The following PRIMPOL variants were observed in gnomAD, a reference collection of about 807,000 sequenced individuals.
PRIMPOL encodes primase and DNA directed polymerase.
In PRIMPOL, 54 loss-of-function variants were observed where a neutral mutation model predicts 63.6. That is an observed-to-expected ratio of 0.85 (90% confidence interval 0.68 to 1.07). The LOEUF (loss-of-function observed/expected upper bound fraction) is 1.07, where lower values mean the gene tolerates loss of function less well. PRIMPOL is among the 50% of genes least tolerant of loss of function. The pLI, the probability that PRIMPOL is intolerant of heterozygous loss-of-function variation, is 0.00. For missense variants in PRIMPOL, 610 were observed against 648.3 expected (o/e 0.94, Z 0.64); for synonymous variants, 197 against 220.2 (o/e 0.89, Z 0.93).
intron 3 of PRIMPOL, among the ~76,000 whole-genome samples, chr4:184,657,924 C>T (rs1050524791): frequency 3.9e-5 from 6 of 151,908 alleles, no homozygotes; most frequent in Admixed American, 6.6e-5. Context: ...ACCCGGAAGG[C>T]GGAGTTTGCT....
intron 9 of PRIMPOL, among the ~76,000 whole-genome samples, chr4:184,683,354 G>A (rs10033673): frequency 0.19 from 29,239 of 151,352 alleles, 3,605 homozygotes; most frequent in African/African-American, 0.35. Flanking sequence ...CCTGGGAGGC[G>A]GAGGTTGCAG....
chr4:184,650,587 G>T (rs1477139630), intron 1 of PRIMPOL, among the ~76,000 whole-genome samples: 1 of 152,222 alleles, frequency 6.6e-6, no homozygotes, highest in East Asian at 1.9e-4. Context: ...GTTATTAATG[G>T]TTACGTCAAT....
chr4:184,673,368 A>T (rs1486856042), intron 7 of PRIMPOL, among the ~76,000 whole-genome samples: 30 of 151,176 alleles, frequency 2.0e-4, no homozygotes. Flanking sequence ...TGACGTTGTC[A>T]TCCGCCCGCC....
At chr4:184,665,350 C>T (rs1749549120) in intron 5 of PRIMPOL, among the ~76,000 whole-genome samples, 1 of 152,158 alleles carries the variant, frequency 6.6e-6, no homozygotes, top group African/African-American at 2.4e-5. Flanking sequence ...TCTCTGACTC[C>T]AGCCCCCGTG....
At chr4:184,673,528 G>A (rs955591796) in intron 7 of PRIMPOL, among the ~76,000 whole-genome samples, 10 of 146,804 alleles carry the variant, frequency 6.8e-5, no homozygotes, top group African/African-American at 2.5e-4. Flanking sequence ...GGGTTCAAAC[G>A]ATTCTCCTCC....
chr4:184,666,730 G>A (rs963893960), intron 6 of PRIMPOL, among the ~76,000 whole-genome samples: 3 of 152,112 alleles, frequency 2.0e-5, no homozygotes, highest in African/African-American at 7.2e-5. Flanking sequence ...CTTTGCTTCG[G>A]CCTTGCTTTG....
intron 4 of PRIMPOL, among the ~76,000 whole-genome samples, chr4:184,660,709 A>G (rs1748091654): frequency 6.6e-6 from 1 of 152,196 alleles, no homozygotes; most frequent in Admixed American, 6.5e-5. Context: ...CTTCCCATGT[A>G]AATATGGAAC....
Position 184,673,847 on chromosome 4 carries a change from C to T in PRIMPOL, c.844+1387C>T, listed in dbSNP as rs907756356. Among the ~76,000 whole-genome samples, 7 of 152,242 alleles carry T rather than the reference C, an allele frequency of 4.6e-5. No homozygotes were observed. The South Asian group carries it at 6.2e-4, about 14-fold the overall frequency. On this transcript the variant is annotated intron_variant, in intron 7 of 13. Coordinates refer to ENST00000314970, the MANE Select transcript of PRIMPOL (RefSeq NM_152683.4). ...CCAACAGTGGTACTGAAATGAGGGA[C>T]GTGTTTCTGCTGGATTGCATGTTTT...
chr4:184,680,345 A>G (rs112209698), intron 8 of PRIMPOL, among the ~76,000 whole-genome samples: 15,446 of 152,026 alleles, frequency 0.1, 937 homozygotes, highest in Middle Eastern at 0.17. Context: ...GTGCCACCAC[A>G]CCCAGATAAT....
intron 1 of PRIMPOL, among the ~76,000 whole-genome samples, chr4:184,650,293 G>A (rs189324158): frequency 6.6e-6 from 1 of 152,342 alleles, no homozygotes; most frequent in African/African-American, 2.4e-5. Context: ...AGAGATTAAC[G>A]AACCAATCCA....
intron 7 of PRIMPOL, among the ~76,000 whole-genome samples, chr4:184,677,835 CT>C (rs1754524827): frequency 6.6e-6 from 1 of 152,196 alleles, no homozygotes; most frequent in Admixed American, 6.5e-5. Flanking sequence ...GTATAATGTA[CT>C]GAATAGAAAT....
intron 11 of PRIMPOL, among the ~76,000 whole-genome samples, chr4:184,691,152 G>C (rs1176107093): frequency 6.6e-6 from 1 of 152,136 alleles, no homozygotes; most frequent in Non-Finnish European, 1.5e-5. Flanking sequence ...ATTACTGAGA[G>C]TATGTTTTTT....
Position 184,650,174 on chromosome 4 carries a change from A to G in PRIMPOL, c.-138+266A>G, listed in dbSNP as rs148443675. ...AGTCAGAGCCTGACACACAGGCTCA[A>G]GCCGCTCACGCATCATAGTAGTGTA... On this transcript the variant is annotated intron_variant, in intron 1 of 13. Transcript: ENST00000314970. 1.1e-3 allele frequency among the ~76,000 whole-genome samples: 167 copies of G among 152,372 alleles called. 1 individual carries two copies. The highest frequency in any genetic ancestry group is 3.5e-3 in the African/African-American group (145 of 41,580).
chr4:184,675,229 T>C (rs1752976864), intron 7 of PRIMPOL, among the ~76,000 whole-genome samples: 1 of 152,246 alleles, frequency 6.6e-6, no homozygotes, highest in Non-Finnish European at 1.5e-5. Context: ...TATGATTTAA[T>C]ACTCCATCTT....
intron 2 of PRIMPOL, among the ~76,000 whole-genome samples, chr4:184,654,744 G>C (rs998626206): frequency 8.6e-5 from 13 of 152,008 alleles, no homozygotes; most frequent in African/African-American, 2.4e-4. Flanking sequence ...GAGCCACCGC[G>C]CCCGGCTGAA....
At position 184,676,320 on chromosome 4, in the gene PRIMPOL, C is replaced by T. The variant is rs1212799554; in HGVS notation, c.845-1912C>T. On this transcript the variant is annotated intron_variant, in intron 7 of 13. Transcript: ENST00000314970. ...CCCTCCCCTGCCTTCCCCTCCCTTCCCTTTCCTTCCCTTCCCTTCCTTTCT... is the reference window on the plus strand; with the variant it reads ...CCCTCCCCTGCCTTCCCCTCCCTTCTCTTTCCTTCCCTTCCCTTCCTTTCT... 2.3e-5 allele frequency among the ~76,000 whole-genome samples: 3 copies of T among 130,816 alleles called. No homozygotes were observed. In the East Asian group the frequency reaches 6.5e-4, roughly 28 times the overall value. The allele number at this position is 130,816 out of a possible 152,430, so 85.8% of individuals were successfully genotyped here.
chr4:184,650,840 A>G (rs1401619559), intron 1 of PRIMPOL, among the ~76,000 whole-genome samples: 3 of 152,212 alleles, frequency 2.0e-5, no homozygotes, highest in Non-Finnish European at 2.9e-5. Context: ...TCTGCACAGA[A>G]ATATACTTAG....
intron 8 of PRIMPOL, 139 bp downstream of exon 8, chr4:184,678,533 T>TC (rs1754710655): frequency 1.6e-6 from 1 of 627,996 alleles, no homozygotes; most frequent in East Asian, 3.6e-5. Flanking sequence ...CTCTTTTTTT[T>TC]TTTTTTTTTT....
intron 11 of PRIMPOL, among the ~76,000 whole-genome samples, chr4:184,687,642 T>C (rs1222865109): frequency 6.6e-6 from 1 of 152,184 alleles, no homozygotes; most frequent in Non-Finnish European, 1.5e-5. Context: ...GAGACAGAGT[T>C]TTGCTCTTGT....
Sources: allele counts gnomAD v4.1 joint callset (sites outside exome capture counted in the v4.1 genomes callset), GRCh38; gene constraint gnomAD v4.1.1; transcripts MANE v1.5; gene names NCBI Gene and HGNC (gene_info 2026-07-23, HGNC 2026-07-21).